Variants in HCN1 observed in about 807,000 individuals in gnomAD.
HCN1 encodes the protein potassium/sodium hyperpolarization-activated cyclic nucleotide-gated channel 1.
A neutral mutation model predicts 78.9 loss-of-function variants in HCN1; 13 were observed. The observed-to-expected ratio is 0.16, with a 90% CI of 0.11 to 0.26. The LOEUF is 0.26. Ranked by LOEUF, HCN1 falls within the 10% of genes least tolerant of loss-of-function variation. The probability of loss-of-function intolerance (pLI) is 1.00; values close to 1 mark genes in which losing one functional copy is unlikely to be tolerated. For synonymous variants in HCN1, 552 were observed against 455.5 expected, an observed-to-expected ratio of 1.21 and a Z score of -2.70; for missense variants, 810 against 1,154.3, an observed-to-expected ratio of 0.70 and a Z score of 4.32.
intron 2 of HCN1, among the ~76,000 whole-genome samples, chr5:45,483,502 C>T (rs904229170): frequency 6.6e-6 from 1 of 151,952 alleles, no homozygotes; most frequent in Admixed American, 6.6e-5. Flanking sequence ...TTTAAGTTCC[C>T]TGTAGATTCT....
intron 5 of HCN1, among the ~76,000 whole-genome samples, chr5:45,340,000 C>T (rs547694548): frequency 1.3e-5 from 2 of 152,268 alleles, no homozygotes; most frequent in Non-Finnish European, 2.9e-5. Flanking sequence ...CCCACTGCAA[C>T]CAGTGCCTCC....
At chr5:45,684,016 C>CT (rs2112092999) in intron 1 of HCN1, among the ~76,000 whole-genome samples, 1 of 152,256 alleles carries the variant, frequency 6.6e-6, no homozygotes, top group African/African-American at 2.4e-5. Flanking sequence ...GCAAAAGTCT[C>CT]TATCTTTGAA....
chr5:45,300,598 A>C (rs930002074), intron 6 of HCN1, among the ~76,000 whole-genome samples: 2 of 152,096 alleles, frequency 1.3e-5, no homozygotes, highest in African/African-American at 4.8e-5. Flanking sequence ...TTAATCAACT[A>C]TTTGTATTAT....
chr5:45,283,695 A>T (rs964635331), intron 6 of HCN1, among the ~76,000 whole-genome samples: 1 of 152,212 alleles, frequency 6.6e-6, no homozygotes, highest in African/African-American at 2.4e-5. Context: ...TGTTGGTTGG[A>T]GTGTAAATTA....
chr5:45,567,558 T>TACACAC (rs36230541), intron 2 of HCN1, among the ~76,000 whole-genome samples: 12 of 133,026 alleles, frequency 9.0e-5, no homozygotes, highest in African/African-American at 2.2e-4. Context: ...CATTTTAGGC[T>TACACAC]ACACACACAC....
chr5:45,313,844 C>T (rs965765937), intron 5 of HCN1, among the ~76,000 whole-genome samples: 1 of 152,058 alleles, frequency 6.6e-6, no homozygotes, highest in African/African-American at 2.4e-5. Flanking sequence ...ATGAACAAAG[C>T]CTCCAAGAAA....
Position 45,696,214 on chromosome 5 carries a change from G to A in HCN1, c.-121C>T. On this transcript the variant is annotated 5_prime_UTR_variant, in exon 1 of 8. Transcript: ENST00000303230. ...CTGCCGGCGAGCCCAGCTGCCCGTC[G>A]CGGCGGCGGCGGCGGCGGCGGCGGC... The A allele has an allele frequency of 4.9e-6, 1 of 202,480 alleles. No individual in the cohort carries two copies. The highest frequency in any genetic ancestry group is 8.7e-6 in the Non-Finnish European group (1 of 114,416). 12.5% of individuals were successfully genotyped at this position (202,480 alleles called of 1,614,324 possible).
In HCN1 at chr5:45,649,261, T is replaced by C. The variant is rs572227866; in HGVS notation, c.426-3653A>G. On this transcript the variant is annotated intron_variant, in intron 1 of 7. Transcript: ENST00000303230. ...GTTTTATTTTTGTTTTAGTAGACTT[T>C]ATTTTTAGAGTAGTTTTAGGTTCAT... Among the ~76,000 whole-genome samples the C allele has an allele frequency of 3.2e-4, 48 of 152,202 alleles. No individual in the cohort carries two copies. In the South Asian group the frequency reaches 9.3e-3, roughly 30 times the overall value.
At chr5:45,356,683 T>C (rs1747012881) in intron 4 of HCN1, among the ~76,000 whole-genome samples, 1 of 152,052 alleles carries the variant, frequency 6.6e-6, no homozygotes, top group Admixed American at 6.6e-5. Context: ...TGTACCTTTA[T>C]GCACCATGTT....
chr5:45,667,763 C>CAACA (rs1226844928), intron 1 of HCN1, among the ~76,000 whole-genome samples: 17 of 151,952 alleles, frequency 1.1e-4, no homozygotes, highest in Non-Finnish European at 2.2e-4. Flanking sequence ...TGTTATGTTT[C>CAACA]AACTTGGTTG....
chr5:45,664,590 A>C (rs916672088), intron 1 of HCN1, among the ~76,000 whole-genome samples: 1 of 151,922 alleles, frequency 6.6e-6, no homozygotes, highest in African/African-American at 2.4e-5. Context: ...ATGAACTCAA[A>C]CAAATTTATG....
intron 3 of HCN1, among the ~76,000 whole-genome samples, chr5:45,460,477 G>T (rs1000811381): frequency 1.3e-5 from 2 of 151,958 alleles, no homozygotes; most frequent in Non-Finnish European, 2.9e-5. Flanking sequence ...AATACACCAA[G>T]ACACCACTGG....
chr5:45,605,446 T>C (rs981515868), intron 2 of HCN1, among the ~76,000 whole-genome samples: 11 of 151,964 alleles, frequency 7.2e-5, no homozygotes, highest in Admixed American at 5.9e-4. Context: ...TTTATTATGT[T>C]GTGTAGAAAC....
rs1744667203 is a variant in HCN1, at chr5:45,258,548, ACTT to A, written c.*3370_*3372del. The A allele has an allele frequency of 6.6e-6, 1 of 152,066 alleles. No homozygotes were observed. Among genetic ancestry groups the A allele is most frequent in the African/African-American group, 2.4e-5 (1 of 41,434 alleles). The allele number at this position is 152,066 out of a possible 1,614,324, so 9.4% of individuals were successfully genotyped here. Reference sequence around the variant, plus strand: ...TCCTTGTTTTCAGGAATGCTTCACTACTTATTCTCATTATGATAAACTCTATCT... The same window carrying A: ...TCCTTGTTTTCAGGAATGCTTCACTAATTCTCATTATGATAAACTCTATCT... On this transcript the variant is annotated 3_prime_UTR_variant, in exon 8 of 8. Transcript: ENST00000303230.
Position 45,257,754 on chromosome 5 carries a change from G to C in HCN1, c.*4167C>G, listed in dbSNP as rs543693027. On this transcript the variant is annotated 3_prime_UTR_variant, in exon 8 of 8. Transcript: ENST00000303230. ...TAAGTACAATAGCAAATCTTTCAAA[G>C]AAAATTTCTATCCTATTTTTCCTTG... 2.0e-5 allele frequency: 3 copies of C among 152,228 alleles called. No individual in the cohort carries two copies. In the South Asian group the frequency reaches 6.2e-4, roughly 32 times the overall value. The allele number at this position is 152,228 out of a possible 1,614,324, so 9.4% of individuals were successfully genotyped here.
chr5:45,674,247 C>CT (rs1746220331), intron 1 of HCN1, among the ~76,000 whole-genome samples: 1 of 151,324 alleles, frequency 6.6e-6, no homozygotes, highest in Admixed American at 6.6e-5. Context: ...TAAACTTTCT[C>CT]TAGTTAAAAC....
chr5:45,448,039 C>A (rs901994105), intron 3 of HCN1, among the ~76,000 whole-genome samples: 1 of 151,586 alleles, frequency 6.6e-6, no homozygotes, highest in Non-Finnish European at 1.5e-5. Flanking sequence ...TGGTAAATTC[C>A]AAACTTTTCC....
At chr5:45,318,613 A>G (rs1361315244) in intron 5 of HCN1, among the ~76,000 whole-genome samples, 2 of 150,342 alleles carry the variant, frequency 1.3e-5, no homozygotes, top group Non-Finnish European at 3.0e-5. Context: ...ATAAAAAAAG[A>G]AAAAAAAAGT....
chr5:45,500,252 G>T (rs1337053536), intron 2 of HCN1, among the ~76,000 whole-genome samples: 1 of 152,088 alleles, frequency 6.6e-6, no homozygotes, highest in Non-Finnish European at 1.5e-5. Context: ...CAAAACTCTG[G>T]AGTTCAGGAT....
Sources: allele counts gnomAD v4.1 joint callset (sites outside exome capture counted in the v4.1 genomes callset), GRCh38; gene constraint gnomAD v4.1.1; transcripts MANE v1.5; gene names NCBI Gene and HGNC (gene_info 2026-07-23, HGNC 2026-07-21).